Variants in USP17L7 observed in about 807,000 individuals in gnomAD.
The protein encoded by USP17L7 is ubiquitin specific peptidase 17 like family member 7, also known as inactive ubiquitin carboxyl-terminal hydrolase 17-like protein 7.
In USP17L7, 53 loss-of-function variants were observed where a neutral mutation model predicts 37.6. The observed-to-expected ratio is 1.41, with a 90% CI of 1.13 to 1.77. The LOEUF (loss-of-function observed/expected upper bound fraction) is 1.77. USP17L7 is among the 40% of genes most tolerant of loss of function. USP17L7 has a pLI of 0.00. For missense variants in USP17L7, 914 were observed against 645.0 expected (o/e 1.42, Z -4.52); for synonymous variants, 330 against 251.0 (o/e 1.31, Z -2.98).
rs771574145 is a variant in USP17L7 at position 12,133,414 on chromosome 8, G to GCAGC, written c.595_596insGCTG (p.Ala199GlyfsTer21). On this transcript the variant is annotated frameshift_variant, in exon 1 of 1. Transcript: ENST00000530447. LOFTEE classifies it high-confidence loss of function. ...ATACTTGATTTGAGATCTCCAATAC[G>GCAGC]CTCCAAATATTTGGTGGATGAGGGT... 134 of 1,452,004 alleles carry GCAGC rather than the reference G, an allele frequency of 9.2e-5. 6 individuals carry two copies. In the African/African-American group the frequency reaches 1.4e-3, roughly 15 times the overall value. 89.9% of individuals were successfully genotyped at this position (1,452,004 alleles called of 1,614,324 possible). A position where few individuals can be genotyped will look rare whatever the true frequency, so the allele number is the denominator to read the frequency against.
chr8:12,133,629 A>G lies in USP17L7; in HGVS notation c.381T>C (p.Thr127=), dbSNP rs1803043970. 5 of 1,227,142 alleles carry G rather than the reference A, an allele frequency of 4.1e-6. No homozygotes were observed. Among genetic ancestry groups the G allele is most frequent in the Non-Finnish European group, 5.9e-6 (5 of 852,910 alleles). The allele number at this position is 1,227,142 out of a possible 1,614,324, so 76.0% of individuals were successfully genotyped here. Reference sequence around the variant, plus strand: ...GGGCCCATGTGATGTGAGCTTGCATAGTACAGAACATGCAGCACTTGTGAA... The same window carrying G: ...GGGCCCATGTGATGTGAGCTTGCATGGTACAGAACATGCAGCACTTGTGAA... ...CHLHKCCMFC[T]MQAHITWALH... Residue 127 remains threonine, a synonymous_variant, in exon 1 of 1, where the codon ACT becomes ACC. Transcript: ENST00000530447.
chr8:12,133,034 C>T lies in USP17L7; in HGVS notation c.976G>A (p.Ala326Thr), dbSNP rs200862172. 206 of 1,524,028 alleles carry T rather than the reference C, an allele frequency of 1.4e-4. 15 individuals carry two copies. Among genetic ancestry groups the T allele is most frequent in the Admixed American group, 3.0e-4 (17 of 57,196 alleles). 94.4% of individuals were successfully genotyped at this position (1,524,028 alleles called of 1,614,324 possible). Reference sequence around the variant, plus strand: ...TGTCCGTTGTGACAACTCCACCCAGCGTGGACCAGCACAGCATAGAGGACA... The same window carrying T: ...TGTCCGTTGTGACAACTCCACCCAGTGTGGACCAGCACAGCATAGAGGACA... The part of the protein sequence containing the change: ...VYVLYAVLVH[A>T]GWSCHNGHYF... The change falls in exon 1 of 1, where the codon GCT becomes ACT. Residue 326 changes from alanine to threonine, a missense_variant. Ala to Thr is a moderately conservative substitution (Grantham distance 58). Coordinates refer to ENST00000530447, the MANE Select transcript of USP17L7 (RefSeq NM_001256869.2).
rs1365570249 is a variant in USP17L7, at chr8:12,133,674, C to T, written c.336G>A (p.Glu112=). The change falls in exon 1 of 1, where the codon GAG becomes GAA. Residue 112 remains glutamate (E), a synonymous_variant. Transcript: ENST00000530447. ...LPLSNYMLSR[E]DSQTCHLHKC... ...TGTGAAGATGACACGTTTGAGAGTC[C>T]TCCCGGGACAGCATGTAGTTGGAAA... 4 of 1,247,546 alleles carry T rather than the reference C, an allele frequency of 3.2e-6. No homozygotes were observed. The highest frequency in any genetic ancestry group is 3.4e-6 in the Non-Finnish European group (3 of 871,632). 77.3% of individuals were successfully genotyped at this position (1,247,546 alleles called of 1,614,324 possible). A position where few individuals can be genotyped will look rare whatever the true frequency, so the allele number is the denominator to read the frequency against.
Position 12,133,086 on chromosome 8 carries a change from A to C in USP17L7, c.924T>G (p.Ser308=), listed in dbSNP as rs1356187653. Residue 308 remains serine (S), a synonymous_variant, in exon 1 of 1, where the codon TCT becomes TCG. Transcript: ENST00000530447. ...PKCRDMQPYM[S]QQNTGPLVYV... ...AGACAAGAGGTCCTGTGTTCTGCTG[A>C]GACATGTATGGCTGCATGTCACGGC... 6.7e-7 allele frequency: 1 copy of C among 1,487,388 alleles called. No individual in the cohort carries two copies. The highest frequency in any genetic ancestry group is 9.2e-7 in the Non-Finnish European group (1 of 1,089,582). 92.1% of individuals were successfully genotyped at this position (1,487,388 alleles called of 1,614,324 possible).
chr8:12,132,659 T>A lies in USP17L7; in HGVS notation c.1351A>T (p.Asn451Tyr). 6.5e-7 allele frequency: 1 copy of A among 1,541,812 alleles called. No individual in the cohort carries two copies. The highest frequency in any genetic ancestry group is 8.8e-7 in the Non-Finnish European group (1 of 1,137,328). Residue 451 changes from asparagine (N) to tyrosine (Y), a missense_variant, in exon 1 of 1, where the codon AAC (asparagine) becomes TAC (tyrosine). Asn to Tyr is a moderately radical substitution (Grantham distance 143, BLOSUM62 -2). Coordinates refer to ENST00000530447, the MANE Select transcript of USP17L7 (RefSeq NM_001256869.2). ...QEQNKTKPEFNVRKVEGTLPP... is the reference protein window; with the variant it reads ...QEQNKTKPEFYVRKVEGTLPP... ...AGGGTACCTTCAACTTTTCTGACGT[T>A]GAACTCAGGCTTCGTTTTGTTTTGC... is the stretch of plus-strand genomic sequence containing the variant.
In USP17L7 at chr8:12,133,176, A is replaced by G; in HGVS notation, c.834T>C (p.Leu278=). 3 of 1,511,342 alleles carry G rather than the reference A, an allele frequency of 2.0e-6. No homozygotes were observed. Among genetic ancestry groups the G allele is most frequent in the Non-Finnish European group, 2.7e-6 (3 of 1,110,604 alleles). The allele number at this position is 1,511,342 out of a possible 1,614,324, so 93.6% of individuals were successfully genotyped here. The stretch of plus-strand genomic sequence containing the variant: ...TGACATCGGAGAATCTCTTCAATAC[A>G]AGAATGAGGACCTTGGCAGAAGTGG... ...TLPTSAKVLI[L]VLKRFSDVTG... Residue 278 remains leucine (L), a synonymous_variant, in exon 1 of 1, where the codon CTT becomes CTC. Coordinates refer to ENST00000530447, the MANE Select transcript of USP17L7 (RefSeq NM_001256869.2).
rs1802994082 is a variant in USP17L7, at chr8:12,133,018, T to C, written c.992A>G (p.His331Arg). The change falls in exon 1 of 1, where the codon CAC (histidine) becomes CGC (arginine). Residue 331 changes from histidine (H) to arginine (R), a missense_variant. Physicochemically the swap from His to Arg is conservative, Grantham distance 29. Coordinates refer to ENST00000530447, the MANE Select transcript of USP17L7 (RefSeq NM_001256869.2). ...GACATAAGAGAAGTAATGTCCGTTG[T>C]GACAACTCCACCCAGCGTGGACCAG... ...AVLVHAGWSC[H>R]NGHYFSYVKA... 1.3e-6 allele frequency: 2 copies of C among 1,527,544 alleles called. No homozygotes were observed. Among genetic ancestry groups the C allele is most frequent in the African/African-American group, 1.4e-5 (1 of 72,110 alleles). 94.6% of individuals were successfully genotyped at this position (1,527,544 alleles called of 1,614,324 possible). A position where few individuals can be genotyped will look rare whatever the true frequency, so the allele number is the denominator to read the frequency against.
Position 12,133,050 on chromosome 8 carries a change from A to G in USP17L7, c.960T>C (p.Tyr320=). The G allele has an allele frequency of 1.3e-6, 2 of 1,514,610 alleles. No individual in the cohort carries two copies. The highest frequency in any genetic ancestry group is 1.8e-6 in the Non-Finnish European group (2 of 1,113,074). 93.8% of individuals were successfully genotyped at this position (1,514,610 alleles called of 1,614,324 possible). ...TCCACCCAGCGTGGACCAGCACAGC[A>G]TAGAGGACATAGACAAGAGGTCCTG... ...QNTGPLVYVL[Y]AVLVHAGWSC... Residue 320 remains tyrosine (Y), a synonymous_variant, in exon 1 of 1, where the codon TAT becomes TAC. Transcript: ENST00000530447.
rs1373571057 is a variant in USP17L7, at chr8:12,133,581, G to C, written c.429C>G (p.Ile143Met). ...TWALHSPGHV[I>M]QPSQVLAAGF... ...CAGCAGCCAATACCTGTGAGGGCTG[G>C]ATGACATGGCCAGGACTGTGGAGGG... The change falls in exon 1 of 1, where the codon ATC (isoleucine) becomes ATG (methionine). Residue 143 changes from isoleucine to methionine, a missense_variant. By Grantham distance (10) the Ile-to-Met change is conservative. Transcript: ENST00000530447. 1.5e-6 allele frequency: 2 copies of C among 1,351,110 alleles called. No individual in the cohort carries two copies. Among genetic ancestry groups the C allele is most frequent in the Non-Finnish European group, 2.1e-6 (2 of 966,864 alleles). 83.7% of individuals were successfully genotyped at this position (1,351,110 alleles called of 1,614,324 possible).
rs1369371538 is a variant in USP17L7 at position 12,133,078 on chromosome 8, T to A, written c.932A>T (p.Asn311Ile). 7 of 1,496,874 alleles carry A rather than the reference T, an allele frequency of 4.7e-6. 1 individual carries two copies. In the African/African-American group the frequency reaches 7.0e-5, roughly 15 times the overall value. 92.7% of individuals were successfully genotyped at this position (1,496,874 alleles called of 1,614,324 possible). The change falls in exon 1 of 1, where the codon AAC (asparagine) becomes ATC (isoleucine). Residue 311 changes from asparagine to isoleucine, a missense_variant. Physicochemically the swap from Asn to Ile is moderately radical, Grantham distance 149 (BLOSUM62 -3). Coordinates refer to ENST00000530447, the MANE Select transcript of USP17L7 (RefSeq NM_001256869.2). ...RDMQPYMSQQ[N>I]TGPLVYVLYA... ...GAGGACATAGACAAGAGGTCCTGTGTTCTGCTGAGACATGTATGGCTGCAT... is the reference window on the plus strand; with the variant it reads ...GAGGACATAGACAAGAGGTCCTGTGATCTGCTGAGACATGTATGGCTGCAT...
chr8:12,133,742 A>T lies in USP17L7; in HGVS notation c.268T>A (p.Tyr90Asn). The T allele has an allele frequency of 7.1e-7, 1 of 1,400,262 alleles. No individual in the cohort carries two copies. Among genetic ancestry groups the T allele is most frequent in the African/African-American group, 1.4e-5 (1 of 69,736 alleles). The allele number at this position is 1,400,262 out of a possible 1,614,324, so 86.7% of individuals were successfully genotyped here. Residue 90 changes from tyrosine (Y) to asparagine (N), a missense_variant, in exon 1 of 1, where the codon TAT (tyrosine) becomes AAT (asparagine). Transcript: ENST00000530447. ...AGLQKIGNTF[Y>N]VNVSLQCLTY... is the part of the protein sequence containing the mutation. ...AGGCACTGCAGGGAAACGTTCACAT[A>T]GAAGGTATTTCCTATCTTCTGGAGC...
At position 12,133,482 on chromosome 8, in the gene USP17L7, G is replaced by A. The variant is rs772788974; in HGVS notation, c.528C>T (p.Cys176=). Residue 176 remains cysteine, a synonymous_variant, in exon 1 of 1, where the codon TGC becomes TGT. Transcript: ENST00000530447. ...GATCTAGCTGCTTGTGCCCGGGAAG[G>A]CATGCCTTTTTCATGGCATCCACAG... ...MFTVDAMKKA[C]LPGHKQLDHH... The A allele has an allele frequency of 1.1e-5, 16 of 1,474,496 alleles. 1 individual carries two copies. The highest frequency in any genetic ancestry group is 1.7e-5 in the Admixed American group (1 of 57,184). 91.3% of individuals were successfully genotyped at this position (1,474,496 alleles called of 1,614,324 possible).
At position 12,132,751 on chromosome 8, in the gene USP17L7, A is replaced by G. The variant is rs1802972970; in HGVS notation, c.1259T>C (p.Leu420Ser). ...GGCTCTTTCCACCAAGTGCTCGTCC[A>G]ACTCGGGTACCTGGAGGCAAGGGTG... is the stretch of plus-strand genomic sequence containing the variant. ...RDHPCLQVPE[L>S]DEHLVERATQ... The change falls in exon 1 of 1, where the codon TTG (leucine) becomes TCG (serine). Residue 420 changes from leucine to serine, a missense_variant. Coordinates refer to ENST00000530447, the MANE Select transcript of USP17L7 (RefSeq NM_001256869.2). The G allele has an allele frequency of 6.5e-7, 1 of 1,531,398 alleles. No homozygotes were observed. The highest frequency in any genetic ancestry group is 2.6e-5 in the East Asian group (1 of 38,708). The allele number at this position is 1,531,398 out of a possible 1,614,324, so 94.9% of individuals were successfully genotyped here.
rs3989705 is a variant in USP17L7, at chr8:12,133,014, G to C, written c.996C>G (p.Asn332Lys). 6.6e-7 allele frequency: 1 copy of C among 1,518,132 alleles called. No individual in the cohort carries two copies. Among genetic ancestry groups the C allele is most frequent in the Non-Finnish European group, 9.0e-7 (1 of 1,116,478 alleles). The allele number at this position is 1,518,132 out of a possible 1,614,324, so 94.0% of individuals were successfully genotyped here. The change falls in exon 1 of 1, where the codon AAC (asparagine) becomes AAG (lysine). Residue 332 changes from asparagine to lysine, a missense_variant. By Grantham distance (94) the Asn-to-Lys change is moderately conservative. Coordinates refer to ENST00000530447, the MANE Select transcript of USP17L7 (RefSeq NM_001256869.2). The part of the protein sequence containing the change: ...VLVHAGWSCH[N>K]GHYFSYVKAQ... ...CTTTGACATAAGAGAAGTAATGTCC[G>C]TTGTGACAACTCCACCCAGCGTGGA...
Position 12,133,597 on chromosome 8 carries a change from C to T in USP17L7, c.413G>A (p.Ser138Asn), listed in dbSNP as rs146951254. The change falls in exon 1 of 1, where the codon AGT becomes AAT. Residue 138 changes from serine (S) to asparagine (N), a missense_variant. Ser to Asn is a conservative substitution (Grantham distance 46, BLOSUM62 1). Transcript: ENST00000530447. Reference protein sequence around the residue: ...MQAHITWALHSPGHVIQPSQV... With the variant: ...MQAHITWALHNPGHVIQPSQV... Reference sequence around the variant, plus strand: ...TGAGGGCTGGATGACATGGCCAGGACTGTGGAGGGCCCATGTGATGTGAGC... The same window carrying T: ...TGAGGGCTGGATGACATGGCCAGGATTGTGGAGGGCCCATGTGATGTGAGC... 192 of 1,302,612 alleles carry T rather than the reference C, an allele frequency of 1.5e-4. 13 individuals carry two copies. The highest frequency in any genetic ancestry group is 5.5e-4 in the Middle Eastern group (2 of 3,654). The allele number at this position is 1,302,612 out of a possible 1,614,324, so 80.7% of individuals were successfully genotyped here. A position where few individuals can be genotyped will look rare whatever the true frequency, so the allele number is the denominator to read the frequency against.
Position 12,132,957 on chromosome 8 carries a change from A to C in USP17L7, c.1053T>G (p.Asp351Glu), listed in dbSNP as rs1239468083. The change falls in exon 1 of 1, where the codon GAT (aspartate) becomes GAG (glutamate). Residue 351 changes from aspartate to glutamate, a missense_variant. By Grantham distance (45) the Asp-to-Glu change is conservative (BLOSUM62 2). Coordinates refer to ENST00000530447, the MANE Select transcript of USP17L7 (RefSeq NM_001256869.2). ...AQEGQWYKMD[D>E]AEVTASGITS... The stretch of plus-strand genomic sequence containing the variant: ...TGATGCCAGAGGCAGTGACCTCGGC[A>C]TCATCCATTTTATACCACTGGCCTT... The C allele has an allele frequency of 6.5e-7, 1 of 1,531,138 alleles. No homozygotes were observed. Among genetic ancestry groups the C allele is most frequent in the East Asian group, 2.6e-5 (1 of 38,652 alleles). The allele number at this position is 1,531,138 out of a possible 1,614,324, so 94.8% of individuals were successfully genotyped here.
At position 12,133,675 on chromosome 8, in the gene USP17L7, T is replaced by G. The variant is rs757882252; in HGVS notation, c.335A>C (p.Glu112Ala). The part of the protein sequence containing the change: ...LPLSNYMLSR[E>A]DSQTCHLHKC... ...GTGAAGATGACACGTTTGAGAGTCCTCCCGGGACAGCATGTAGTTGGAAAG... is the reference window on the plus strand; with the variant it reads ...GTGAAGATGACACGTTTGAGAGTCCGCCCGGGACAGCATGTAGTTGGAAAG... The change falls in exon 1 of 1, where the codon GAG becomes GCG. Residue 112 changes from glutamate to alanine, a missense_variant. Transcript: ENST00000530447. The G allele has an allele frequency of 1.1e-5, 14 of 1,249,804 alleles. No homozygotes were observed. The highest frequency in any genetic ancestry group is 2.8e-4 in the Middle Eastern group (1 of 3,576). 77.4% of individuals were successfully genotyped at this position (1,249,804 alleles called of 1,614,324 possible).
chr8:12,132,824 C>T lies in USP17L7; in HGVS notation c.1186G>A (p.Ala396Thr). 2.0e-6 allele frequency: 3 copies of T among 1,520,090 alleles called. 1 individual carries two copies. Among genetic ancestry groups the T allele is most frequent in the South Asian group, 2.5e-5 (2 of 80,924 alleles). 94.2% of individuals were successfully genotyped at this position (1,520,090 alleles called of 1,614,324 possible). A position where few individuals can be genotyped will look rare whatever the true frequency, so the allele number is the denominator to read the frequency against. The change falls in exon 1 of 1, where the codon GCT becomes ACT. Residue 396 changes from alanine (A) to threonine (T), a missense_variant. Transcript: ENST00000530447. ...GTTGCTGGCCTGTCTGTGTCTTCAG[C>T]ACCAAGGGCTCTTGGTTCCCTGCCT... ...SRGREPRALGAEDTDRPATQG... is the reference protein window; with the variant it reads ...SRGREPRALGTEDTDRPATQG...
At position 12,133,475 on chromosome 8, in the gene USP17L7, C is replaced by A. The variant is rs749223308; in HGVS notation, c.535G>T (p.Gly179Trp). 4.1e-6 allele frequency: 6 copies of A among 1,475,398 alleles called. 2 individuals carry two copies. In the South Asian group the frequency reaches 5.0e-5, roughly 12 times the overall value. The allele number at this position is 1,475,398 out of a possible 1,614,324, so 91.4% of individuals were successfully genotyped here. Residue 179 changes from glycine to tryptophan, a missense_variant, in exon 1 of 1, where the codon GGG (glycine) becomes TGG (tryptophan). Gly to Trp is a radical substitution (Grantham distance 184, BLOSUM62 -2). Coordinates refer to ENST00000530447, the MANE Select transcript of USP17L7 (RefSeq NM_001256869.2). ...GAGTGATGATCTAGCTGCTTGTGCC[C>A]GGGAAGGCATGCCTTTTTCATGGCA... ...VDAMKKACLPGHKQLDHHSKD... is the reference protein window; with the variant it reads ...VDAMKKACLPWHKQLDHHSKD...
Sources: allele counts gnomAD v4.1 joint callset, GRCh38; gene constraint gnomAD v4.1.1; transcripts MANE v1.5; gene names NCBI Gene and HGNC (gene_info 2026-07-23, HGNC 2026-07-21).